The following NDRG3 variants were observed in gnomAD, a reference collection of about 807,000 sequenced individuals.
The protein encoded by NDRG3 is protein NDRG3.
In NDRG3, 23 loss-of-function variants were observed where a neutral mutation model predicts 57.2. The observed-to-expected ratio is 0.40, with a 90% CI of 0.29 to 0.57. The LOEUF is 0.57. NDRG3 is among the 20% of genes least tolerant of loss of function. The probability of loss-of-function intolerance (pLI) is 0.42; values close to 1 mark genes in which losing one functional copy is unlikely to be tolerated. For missense variants in NDRG3, 384 were observed against 457.3 expected, an observed-to-expected ratio of 0.84 and a Z score of 1.46; for synonymous variants, 132 against 162.6, an observed-to-expected ratio of 0.81 and a Z score of 1.43.
chr20:36,731,014 G>A (rs934011782), intron 1 of NDRG3, among the ~76,000 whole-genome samples: 52 of 151,988 alleles, frequency 3.4e-4, no homozygotes, highest in Admixed American at 3.3e-3. Flanking sequence ...AAAGTTTTCA[G>A]TTGGGGAGAT....
At chr20:36,672,664 A>G (rs1422901947) in intron 8 of NDRG3, among the ~76,000 whole-genome samples, 1 of 152,110 alleles carries the variant, frequency 6.6e-6, no homozygotes, top group Non-Finnish European at 1.5e-5. Context: ...CCCTGTCTCT[A>G]CTAAAAATAT....
chr20:36,696,364 G>A (rs1600915444), intron 3 of NDRG3, among the ~76,000 whole-genome samples: 1 of 152,164 alleles, frequency 6.6e-6, no homozygotes, highest in East Asian at 1.9e-4. Context: ...CAAAGTGCTG[G>A]GATTACAGGC....
At chr20:36,656,568 T>C in intron 13 of NDRG3, 36 bp from the exon 14 acceptor site, 1 of 1,613,126 alleles carries the variant, frequency 6.2e-7, no homozygotes, top group Non-Finnish European at 8.5e-7. Flanking sequence ...AGCTGGGACT[T>C]ACCCTTAAGA....
At chr20:36,741,534 A>G (rs1488460200) in intron 1 of NDRG3, among the ~76,000 whole-genome samples, 1 of 152,176 alleles carries the variant, frequency 6.6e-6, no homozygotes, top group Admixed American at 6.5e-5. Flanking sequence ...CAATGCAAAA[A>G]TAATATAGAA....
At position 36,660,101 on chromosome 20, in the gene NDRG3, A is replaced by T. The variant is rs577904675; in HGVS notation, c.858+236T>A. Among the ~76,000 whole-genome samples, 81 of 151,904 alleles carry T rather than the reference A, an allele frequency of 5.3e-4. 1 individual carries two copies. Among genetic ancestry groups the T allele is most frequent in the African/African-American group, 1.8e-3 (75 of 41,520 alleles). The stretch of plus-strand genomic sequence containing the variant: ...CACGTGCCTGTAGTCCCAGCTACTC[A>T]GGAGGCTGACGCAGGAGAATTGCTT... On this transcript the variant is annotated intron_variant, in intron 13 of 15. Transcript: ENST00000349004.
chr20:36,725,926 C>CTTTTT (rs35120120), intron 1 of NDRG3, among the ~76,000 whole-genome samples: 1 of 123,632 alleles, frequency 8.1e-6, no homozygotes, highest in African/African-American at 3.0e-5. Context: ...CCTAGTGTTC[C>CTTTTT]TTTTTTTTTT....
chr20:36,726,712 T>C (rs1984955145), intron 1 of NDRG3, among the ~76,000 whole-genome samples: 1 of 152,138 alleles, frequency 6.6e-6, no homozygotes, highest in African/African-American at 2.4e-5. Flanking sequence ...GTCAATAATT[T>C]TTGCCTGTTT....
intron 15 of NDRG3, chr20:36,654,743 A>G: frequency 1.3e-6 from 1 of 778,646 alleles, no homozygotes. Context: ...TGCTGCAGGC[A>G]GCCAGTGCAG....
In NDRG3 at chr20:36,725,610, AAAAAAAAAG is replaced by A. The variant is rs1378266702; in HGVS notation, c.-48-3836_-48-3828del. On this transcript the variant is annotated intron_variant, in intron 1 of 15. Transcript: ENST00000349004. ...GAATGAGACTCCGTCTAAAAAAAAAAAAAAAAAAGAAAAAAAAGAAAATACAGAAATCAC... is the reference window on the plus strand; with the variant it reads ...GAATGAGACTCCGTCTAAAAAAAAAAAAAAAAAAGAAAATACAGAAATCAC... 1.7e-4 allele frequency among the ~76,000 whole-genome samples: 26 copies of A among 151,750 alleles called. No homozygotes were observed. In the South Asian group the frequency reaches 4.1e-3, roughly 24 times the overall value.
At chr20:36,737,294 ACT>A (rs1326154330) in intron 1 of NDRG3, among the ~76,000 whole-genome samples, 1 of 152,086 alleles carries the variant, frequency 6.6e-6, no homozygotes, top group Non-Finnish European at 1.5e-5. Flanking sequence ...GAAGAAGGCA[ACT>A]CAGGACACGA....
chr20:36,706,145 C>G (rs555897194), intron 3 of NDRG3, among the ~76,000 whole-genome samples: 69 of 152,262 alleles, frequency 4.5e-4, no homozygotes, highest in Admixed American at 2.4e-3. Context: ...AGAGGTGATG[C>G]AAAAGCAGAC....
chr20:36,698,332 G>A (rs1203160099), intron 3 of NDRG3, among the ~76,000 whole-genome samples: 1 of 151,002 alleles, frequency 6.6e-6, no homozygotes, highest in Non-Finnish European at 1.5e-5. Flanking sequence ...GCTCATGCCT[G>A]TAATCCCAGC....
At chr20:36,711,018 C>T (rs968980628) in intron 2 of NDRG3, among the ~76,000 whole-genome samples, 1 of 149,320 alleles carries the variant, frequency 6.7e-6, no homozygotes, top group Non-Finnish European at 1.5e-5. Context: ...TGGTGGCTCA[C>T]CCGTATAATC....
intron 8 of NDRG3, among the ~76,000 whole-genome samples, chr20:36,676,039 G>A (rs924563422): frequency 1.3e-5 from 2 of 152,078 alleles, no homozygotes; most frequent in East Asian, 3.9e-4. Flanking sequence ...AGGAGATCGA[G>A]ACCATCCTGG....
At chr20:36,735,970 CAAAAAAAAAAAAAAAA>C in intron 1 of NDRG3, among the ~76,000 whole-genome samples, 1 of 50,970 alleles carries the variant, frequency 2.0e-5, no homozygotes, top group African/African-American at 7.0e-5. Flanking sequence ...GGCCCTGTCT[CAAAAAAAAAAAAAAAA>C]AAAAAAAGAC....
chr20:36,742,331 T>C (rs113167804), intron 1 of NDRG3, among the ~76,000 whole-genome samples: 207 of 152,318 alleles, frequency 1.4e-3, no homozygotes, highest in African/African-American at 4.3e-3. Context: ...TCTTTAAGGA[T>C]GAATTCACTG....
At chr20:36,735,650 G>A (rs995062195) in intron 1 of NDRG3, among the ~76,000 whole-genome samples, 3 of 152,136 alleles carry the variant, frequency 2.0e-5, no homozygotes, top group African/African-American at 7.2e-5. Flanking sequence ...TTGAACAGGG[G>A]AAGGGAGGAG....
intron 2 of NDRG3, among the ~76,000 whole-genome samples, chr20:36,717,492 T>C (rs1984343284): frequency 6.6e-6 from 1 of 152,214 alleles, no homozygotes; most frequent in Admixed American, 6.5e-5. Context: ...CCAAAACATC[T>C]ATAGGATTAA....
chr20:36,683,762 T>A (rs988700102), intron 6 of NDRG3, among the ~76,000 whole-genome samples: 2 of 151,770 alleles, frequency 1.3e-5, no homozygotes, highest in Non-Finnish European at 2.9e-5. Flanking sequence ...TTGGTAGCTG[T>A]CAGTATCCAA....
Sources: gnomAD v4.1 joint callset for allele counts (sites outside exome capture counted in the v4.1 genomes callset) on GRCh38, gnomAD v4.1.1 for gene constraint, MANE v1.5 for transcripts, NCBI Gene and HGNC (gene_info 2026-07-23, HGNC 2026-07-21) for gene names.